Variants in RPH3A observed in about 807,000 individuals in gnomAD.
The protein encoded by RPH3A is rabphilin 3A.
A neutral mutation model predicts 102.2 loss-of-function variants in RPH3A; 48 were observed. The observed-to-expected ratio is 0.47, with a 90% CI of 0.37 to 0.60. The LOEUF (loss-of-function observed/expected upper bound fraction) is 0.60. RPH3A is among the 20% of genes least tolerant of loss of function. RPH3A has a pLI of 0.00. For missense variants in RPH3A, 781 were observed against 910.1 expected (o/e 0.86, Z 1.83); for synonymous variants, 310 against 324.3 (o/e 0.96, Z 0.47).
chr12:112,608,962 T>G (rs1055003426), intron 1 of RPH3A, among the ~76,000 whole-genome samples: 1 of 152,174 alleles, frequency 6.6e-6, no homozygotes. Context: ...AGATGAAAAT[T>G]AAATAAAATA....
rs184145915 is a variant in RPH3A at position 112,577,440 on chromosome 12, G to A, written c.-140+2121G>A. ...AGCATGGTAATGCATTGTAATTAGCGTATAATGAGCAGTGAGGATGATCAG... is the reference window on the plus strand; with the variant it reads ...AGCATGGTAATGCATTGTAATTAGCATATAATGAGCAGTGAGGATGATCAG... On this transcript the variant is annotated intron_variant, in intron 1 of 21. Transcript: ENST00000543106. Among the ~76,000 whole-genome samples the A allele has an allele frequency of 5.9e-5, 9 of 152,296 alleles. No individual in the cohort carries two copies. The East Asian group carries it at 7.7e-4, about 13-fold the overall frequency.
At chr12:112,732,983 A>C (rs1035841443) in intron 1 of RPH3A, among the ~76,000 whole-genome samples, 3 of 152,168 alleles carry the variant, frequency 2.0e-5, no homozygotes, top group Non-Finnish European at 4.4e-5. Flanking sequence ...ATATTGCATT[A>C]CAGTTATCAA....
At chr12:112,892,050 A>T (rs2043106037) in intron 19 of RPH3A, among the ~76,000 whole-genome samples, 1 of 152,196 alleles carries the variant, frequency 6.6e-6, no homozygotes, top group African/African-American at 2.4e-5. Flanking sequence ...AGATAGCACA[A>T]AGAAAGCAAA....
chr12:112,654,673 T>A (rs1218731119), intron 1 of RPH3A, among the ~76,000 whole-genome samples: 1 of 152,230 alleles, frequency 6.6e-6, no homozygotes, highest in Non-Finnish European at 1.5e-5. Context: ...AGGTTCTTGG[T>A]GCAGTTATAG....
At chr12:112,723,715 A>G (rs1332194159) in intron 1 of RPH3A, among the ~76,000 whole-genome samples, 1 of 152,240 alleles carries the variant, frequency 6.6e-6, no homozygotes, top group Non-Finnish European at 1.5e-5. Context: ...GTTCACTTGG[A>G]GATGATTATT....
At chr12:112,717,928 A>G (rs2040525176) in intron 1 of RPH3A, 1 of 152,110 alleles carries the variant, frequency 6.6e-6, no homozygotes, top group Non-Finnish European at 1.5e-5. Flanking sequence ...AGTCACTTTA[A>G]TAGACATGTA....
At position 112,876,795 on chromosome 12, in the gene RPH3A, C is replaced by G. The variant is rs1193074362; in HGVS notation, c.1100C>G (p.Ala367Gly). The G allele has an allele frequency of 2.5e-6, 4 of 1,609,984 alleles. No homozygotes were observed. The highest frequency in any genetic ancestry group is 3.4e-6 in the Non-Finnish European group (4 of 1,178,224). Residue 367 changes from alanine to glycine, a missense_variant, in exon 13 of 22, where the codon GCT becomes GGT. This residue lies in a region of RPH3A where 730 missense variants were observed against 810.0 expected (regional missense o/e 0.90). Coordinates refer to ENST00000389385, the MANE Select transcript of RPH3A (RefSeq NM_001143854.2). Reference sequence around the variant, plus strand: ...GCATCTGCAGCTGCCCCCCAGCCTGCTGCAGCCCGCCAGCCACCACCCCCA... The same window carrying G: ...GCATCTGCAGCTGCCCCCCAGCCTGGTGCAGCCCGCCAGCCACCACCCCCA... ...SQASAAAPQP[A>G]AARQPPPPEE...
intron 5 of RPH3A, among the ~76,000 whole-genome samples, chr12:112,848,805 C>A (rs1231154800): frequency 6.6e-6 from 1 of 151,914 alleles, no homozygotes; most frequent in Non-Finnish European, 1.5e-5. Context: ...TGGGCTGGAG[C>A]TGGGGGACTG....
intron 1 of RPH3A, among the ~76,000 whole-genome samples, chr12:112,781,478 C>T (rs969720567): frequency 6.6e-6 from 1 of 152,038 alleles, no homozygotes; most frequent in Non-Finnish European, 1.5e-5. Context: ...TTTTTTTGCC[C>T]AAGCCTCCTC....
intron 2 of RPH3A, among the ~76,000 whole-genome samples, chr12:112,817,271 C>T (rs2041691689): frequency 6.6e-6 from 1 of 152,162 alleles, no homozygotes; most frequent in Non-Finnish European, 1.5e-5. Flanking sequence ...TCCTCCCTGT[C>T]TTCCATCTAC....
At chr12:112,890,700 G>A (rs1412388776) in intron 18 of RPH3A, 149 bp from the exon 19 acceptor site, 5 of 794,686 alleles carry the variant, frequency 6.3e-6, no homozygotes, top group Non-Finnish European at 9.8e-6. Context: ...CTCCTCTTTG[G>A]AGGCTAAGCC....
intron 1 of RPH3A, among the ~76,000 whole-genome samples, chr12:112,684,716 C>T (rs2040250945): frequency 6.6e-6 from 1 of 152,138 alleles, no homozygotes; most frequent in Non-Finnish European, 1.5e-5. Context: ...TTTCTACTTT[C>T]TATTGCTGTG....
At chr12:112,581,332 T>C (rs2039399352) in intron 1 of RPH3A, among the ~76,000 whole-genome samples, 1 of 152,092 alleles carries the variant, frequency 6.6e-6, no homozygotes. Flanking sequence ...TCAGACCTCG[T>C]GAGGCTTATT....
At chr12:112,780,789 CA>C (rs2041002511) in intron 1 of RPH3A, among the ~76,000 whole-genome samples, 1 of 152,180 alleles carries the variant, frequency 6.6e-6, no homozygotes, top group African/African-American at 2.4e-5. Context: ...GAATGGCCAA[CA>C]AGGAGACGCG....
intron 1 of RPH3A, among the ~76,000 whole-genome samples, chr12:112,669,540 G>A (rs536931937): frequency 3.3e-5 from 5 of 152,224 alleles, no homozygotes; most frequent in East Asian, 1.9e-4. Context: ...AACCCACATC[G>A]CAAGGAAATA....
In RPH3A at chr12:112,858,624, C is replaced by T. The variant is rs575883737; in HGVS notation, c.231-6790C>T. ...ATTTGCATGATTTTTTAAACAATGT[C>T]CGATCTCTCACTTGAACGCCAGCTC... On this transcript the variant is annotated intron_variant, in intron 5 of 21. Coordinates refer to ENST00000389385, the MANE Select transcript of RPH3A (RefSeq NM_001143854.2). Among the ~76,000 whole-genome samples the T allele has an allele frequency of 2.0e-5, 3 of 152,326 alleles. No homozygotes were observed. In the South Asian group the frequency reaches 6.2e-4, roughly 32 times the overall value.
At chr12:112,799,842 C>T (rs975479896) in intron 2 of RPH3A, among the ~76,000 whole-genome samples, 3 of 152,310 alleles carry the variant, frequency 2.0e-5, no homozygotes, top group South Asian at 2.1e-4. Flanking sequence ...TGTTAAAACA[C>T]GGAGTTTGTG....
intron 1 of RPH3A, among the ~76,000 whole-genome samples, chr12:112,627,393 TTAA>T (rs961220613): frequency 2.7e-5 from 4 of 149,056 alleles, no homozygotes; most frequent in Admixed American, 6.7e-5. Context: ...ATATAAATAT[TTAA>T]TAATATTTCA....
chr12:112,866,095 T>C (rs1488095603), intron 6 of RPH3A, among the ~76,000 whole-genome samples: 1 of 152,196 alleles, frequency 6.6e-6, no homozygotes, highest in Non-Finnish European at 1.5e-5. Flanking sequence ...GATACAACTG[T>C]CCTGGGGTCT....
Sources: gnomAD v4.1 joint callset for allele counts (sites outside exome capture counted in the v4.1 genomes callset) on GRCh38, gnomAD v4.1.1 for gene constraint, gnomAD v4.1.1 regional missense constraint, MANE v1.5 for transcripts, NCBI Gene and HGNC (gene_info 2026-07-23, HGNC 2026-07-21) for gene names.